The following DENND2B variants were observed in gnomAD, a reference collection of about 807,000 sequenced individuals.
The protein encoded by DENND2B is DENN domain containing 2B.
DENND2B carries 32 observed loss-of-function variants against 116.0 expected under a neutral mutation model. The ratio of observed to expected loss-of-function variants is 0.28; its 90% confidence interval spans 0.21 to 0.37. The LOEUF is 0.37. Ranked by LOEUF, DENND2B falls within the 10% of genes least tolerant of loss-of-function variation. The pLI is 1.00. For synonymous variants in DENND2B, 588 were observed against 583.9 expected (o/e 1.01, Z -0.10); for missense variants, 1,276 against 1,477.7 (o/e 0.86, Z 2.24).
At chr11:8,812,920 A>G (rs1354238101), upstream of DENND2B, among the ~76,000 whole-genome samples, 1 of 13,842 alleles carries the variant, frequency 7.2e-5, no homozygotes, top group Non-Finnish European at 5.9e-3. Context: ...TCCCAAAAAC[A>G]GTGCTCCCAA....
At chr11:8,781,230 T>C (rs1202101757) in intron 1 of DENND2B, among the ~76,000 whole-genome samples, 1 of 152,148 alleles carries the variant, frequency 6.6e-6, no homozygotes, top group East Asian at 1.9e-4. Context: ...TGTTAACAGT[T>C]AGCCTGAAGT....
chr11:8,718,450 T>G, intron 4 of DENND2B: 1 of 1,514,866 alleles, frequency 6.6e-7, no homozygotes, highest in South Asian at 1.2e-5. Context: ...TCAACAAGTC[T>G]TTTAGGGCAG....
At chr11:8,717,949 TCACA>T in intron 4 of DENND2B, 57 bp from the exon 5 acceptor site, 1 of 1,568,430 alleles carries the variant, frequency 6.4e-7, no homozygotes, top group Non-Finnish European at 8.7e-7. Flanking sequence ...ACACACGAAC[TCACA>T]CACACACAAA....
intron 2 of DENND2B, 48 bp downstream of exon 2, chr11:8,750,573 G>A: frequency 1.3e-6 from 2 of 1,525,940 alleles, no homozygotes; most frequent in Middle Eastern, 1.7e-4. Context: ...ATCCCACCCA[G>A]GACCTAGGTC....
At chr11:8,735,998 C>A (rs576030245) in intron 2 of DENND2B, among the ~76,000 whole-genome samples, 1 of 152,192 alleles carries the variant, frequency 6.6e-6, no homozygotes, top group African/African-American at 2.4e-5. Flanking sequence ...CAAGAGGAGA[C>A]CACGGCCAAG....
At chr11:8,898,467 C>A (rs1407241992) in intron 1 of DENND2B, among the ~76,000 whole-genome samples, 2 of 152,148 alleles carry the variant, frequency 1.3e-5, no homozygotes, top group Non-Finnish European at 2.9e-5. Flanking sequence ...AGAAAGACTA[C>A]AGAATCAACC....
chr11:8,754,959 C>T (rs1186571109), intron 1 of DENND2B, among the ~76,000 whole-genome samples: 1 of 152,168 alleles, frequency 6.6e-6, no homozygotes, highest in African/African-American at 2.4e-5. Flanking sequence ...AATGGTTGTA[C>T]AACTCTTGTG....
At chr11:8,718,852 TC>T (rs1229710120) in intron 4 of DENND2B, 13 of 995,496 alleles carry the variant, frequency 1.3e-5, no homozygotes, top group Non-Finnish European at 1.4e-5. Context: ...CCCCCACCCC[TC>T]CAACACACAC....
At chr11:8,731,493 C>G (rs1350989633) in intron 2 of DENND2B, among the ~76,000 whole-genome samples, 2 of 152,112 alleles carry the variant, frequency 1.3e-5, no homozygotes, top group African/African-American at 2.4e-5. Flanking sequence ...CGAGAGCATC[C>G]CAAGAGTCTA....
chr11:8,795,949 T>A (rs2059776793), intron 1 of DENND2B, among the ~76,000 whole-genome samples: 1 of 152,172 alleles, frequency 6.6e-6, no homozygotes, highest in Non-Finnish European at 1.5e-5. Flanking sequence ...AACTACATTA[T>A]CTTTCCTTCA....
intron 1 of DENND2B, among the ~76,000 whole-genome samples, chr11:8,903,853 C>G (rs2064201768): frequency 7.3e-6 from 1 of 137,106 alleles, no homozygotes; most frequent in Non-Finnish European, 1.5e-5. Context: ...TATGCCACGG[C>G]ACTCCAGCCT....
chr11:8,798,392 T>C (rs17337580), intron 1 of DENND2B, among the ~76,000 whole-genome samples: 2,733 of 152,242 alleles, frequency 0.018, 36 homozygotes, highest in Non-Finnish European at 0.028. Context: ...CAGGGAAAGA[T>C]TGTAAATTAA....
rs972605072 is a variant in DENND2B, at chr11:8,888,406, C to T, written c.-255-7297G>A. Among the ~76,000 whole-genome samples the T allele has an allele frequency of 2.6e-5, 4 of 152,130 alleles. No homozygotes were observed. The South Asian group carries it at 6.2e-4, about 24-fold the overall frequency. On this transcript the variant is annotated intron_variant, in intron 1 of 22. Transcript: ENST00000534127. ...AGAATGAACTTGGACCCTTACCTAA[C>T]GCCTATACAAAAATTAACTCAAAAT...
At chr11:8,859,020 G>T (rs529769052) in intron 2 of DENND2B, among the ~76,000 whole-genome samples, 1 of 152,182 alleles carries the variant, frequency 6.6e-6, no homozygotes, top group Non-Finnish European at 1.5e-5. Flanking sequence ...ACAAGAAACA[G>T]GCTGAAGACT....
chr11:8,761,659 A>G (rs561816594), intron 1 of DENND2B, among the ~76,000 whole-genome samples: 15 of 152,256 alleles, frequency 9.9e-5, no homozygotes, highest in African/African-American at 3.6e-4. Flanking sequence ...CCTGACTCTA[A>G]GTCCTGACCT....
intron 1 of DENND2B, among the ~76,000 whole-genome samples, chr11:8,796,527 T>G (rs2059827827): frequency 6.6e-6 from 1 of 152,074 alleles, no homozygotes; most frequent in Admixed American, 6.6e-5. Flanking sequence ...TGACAGAGAA[T>G]CCATCTCGAA....
chr11:8,831,496 T>C (rs919803919), intron 4 of DENND2B: 9 of 152,494 alleles, frequency 5.9e-5, no homozygotes, highest in African/African-American at 2.2e-4. Flanking sequence ...CATTCACTCC[T>C]AATCTCCACT....
At chr11:8,733,024 C>T (rs955539662) in intron 2 of DENND2B, among the ~76,000 whole-genome samples, 33 of 152,336 alleles carry the variant, frequency 2.2e-4, no homozygotes, top group Middle Eastern at 3.4e-3. Flanking sequence ...CAACAGGAAA[C>T]CTCAACATGC....
intron 1 of DENND2B, among the ~76,000 whole-genome samples, chr11:8,754,024 A>AGC (rs553192314): frequency 1.6e-3 from 235 of 142,846 alleles, no homozygotes; most frequent in African/African-American, 4.6e-3. Context: ...TAACACCAAA[A>AGC]GCGCGCACAC....
Sources: gnomAD v4.1 joint callset for allele counts (sites outside exome capture counted in the v4.1 genomes callset) on GRCh38, gnomAD v4.1.1 for gene constraint, MANE v1.5 for transcripts, NCBI Gene and HGNC (gene_info 2026-07-23, HGNC 2026-07-21) for gene names.